Variants in LAMC1 observed in about 807,000 individuals in gnomAD.
The protein encoded by LAMC1 is laminin subunit gamma-1.
In LAMC1, 38 loss-of-function variants were observed where a neutral mutation model predicts 173.6. That is an observed-to-expected ratio of 0.22 (90% CI 0.17 to 0.29). The LOEUF (loss-of-function observed/expected upper bound fraction) is 0.29. Among genes scored for constraint, LAMC1 ranks in the 10% least tolerant of loss-of-function variants. The pLI is 1.00. For synonymous variants in LAMC1, 746 were observed against 749.1 expected (o/e 1.00, Z 0.07); for missense variants, 1,824 against 2,051.8 (o/e 0.89, Z 2.14).
At chr1:183,082,511 A>G (rs1298913174) in intron 1 of LAMC1, among the ~76,000 whole-genome samples, 2 of 152,210 alleles carry the variant, frequency 1.3e-5, no homozygotes, top group African/African-American at 2.4e-5. Context: ...GGGTCATGGT[A>G]AAGGAGGTTA....
intron 1 of LAMC1, among the ~76,000 whole-genome samples, chr1:183,037,345 G>T (rs1558028812): frequency 6.6e-6 from 1 of 151,818 alleles, no homozygotes; most frequent in Non-Finnish European, 1.5e-5. Flanking sequence ...GAATTGCTGA[G>T]TTAGTTCACT....
In LAMC1 at chr1:183,117,733, C is replaced by A. The variant is rs774766901; in HGVS notation, c.1877+10C>A. 20 of 1,604,772 alleles carry A rather than the reference C, an allele frequency of 1.2e-5. No homozygotes were observed. Among genetic ancestry groups the A allele is most frequent in the African/African-American group, 2.7e-5 (2 of 74,714 alleles). ...TGAAGTATGTCTTCAGGTAAGATAG[C>A]CTTCTTTGTAAAGTGAGACTTGACG... On this transcript the variant is annotated intron_variant, in intron 10 of 27. Coordinates refer to ENST00000258341, the MANE Select transcript of LAMC1 (RefSeq NM_002293.4).
chr1:183,115,100 T>C (rs1313596481), intron 5 of LAMC1, among the ~76,000 whole-genome samples: 2 of 152,224 alleles, frequency 1.3e-5, no homozygotes, highest in Non-Finnish European at 2.9e-5. Flanking sequence ...TTTGCGTGTG[T>C]ACAGAGATGC....
chr1:183,034,618 G>A (rs1248161822), intron 1 of LAMC1, among the ~76,000 whole-genome samples: 2 of 152,222 alleles, frequency 1.3e-5, no homozygotes, highest in Non-Finnish European at 2.9e-5. Flanking sequence ...AGAGCATTTT[G>A]AAGAGTAGGG....
intron 1 of LAMC1, among the ~76,000 whole-genome samples, chr1:183,040,378 G>A (rs1654098383): frequency 6.6e-6 from 1 of 152,154 alleles, no homozygotes; most frequent in Non-Finnish European, 1.5e-5. Flanking sequence ...TTTGTCAGAG[G>A]AACAAAAGAT....
rs760879412 is a variant in LAMC1 at position 183,127,434 on chromosome 1, C to G, written c.3123+30C>G. 7 of 1,605,542 alleles carry G rather than the reference C, an allele frequency of 4.4e-6. No individual in the cohort carries two copies. The East Asian group carries it at 1.6e-4, about 36-fold the overall frequency. ...GCTGTCAATAGTGCATTCATTCATTCATCCAGCAGACGTTGAGTGGCAACT... is the reference window on the plus strand; with the variant it reads ...GCTGTCAATAGTGCATTCATTCATTGATCCAGCAGACGTTGAGTGGCAACT... On this transcript the variant is annotated intron_variant, in intron 17 of 27. Transcript: ENST00000258341.
rs972694741 is a variant in LAMC1 at position 183,131,325 on chromosome 1, G to A, written c.3513G>A (p.Gly1171=). The change falls in exon 20 of 28, where the codon GGG becomes GGA. Residue 1171 remains glycine, a synonymous_variant. Coordinates refer to ENST00000258341, the MANE Select transcript of LAMC1 (RefSeq NM_002293.4). The stretch of plus-strand genomic sequence containing the variant: ...CAGTCACTCAGCCAGAATCTACAGG[G>A]GACCCAAACAACATGACTCTTTTGG... ...NVSVTQPEST[G]DPNNMTLLAE... is the part of the protein sequence containing the mutation. The A allele has an allele frequency of 1.2e-6, 2 of 1,613,754 alleles. No homozygotes were observed. Among genetic ancestry groups the A allele is most frequent in the African/African-American group, 1.3e-5 (1 of 74,860 alleles).
At chr1:183,128,847 C>T in intron 18 of LAMC1, 97 bp downstream of exon 18, 1 of 1,003,100 alleles carries the variant, frequency 1.0e-6, no homozygotes, top group Non-Finnish European at 1.4e-6. Context: ...AAAATTCTTT[C>T]TCAGTTTTTA....
At position 183,142,616 on chromosome 1, in the gene LAMC1, C is replaced by T. The variant is rs778691992; in HGVS notation, c.4656C>T (p.Ser1552=). The T allele has an allele frequency of 4.3e-6, 7 of 1,613,948 alleles. No homozygotes were observed. The highest frequency in any genetic ancestry group is 2.2e-5 in the South Asian group (2 of 91,072). ...LNKAKDEMKV[S]DLDRKVSDLE... ...AAGCCAAAGATGAAATGAAGGTCAG[C>T]GATCTTGATAGGAAAGTGTCTGACC... Residue 1552 remains serine, a synonymous_variant, in exon 28 of 28, where the codon AGC becomes AGT. Transcript: ENST00000258341.
chr1:183,079,712 TTTGA>T (rs1327825714), intron 1 of LAMC1, among the ~76,000 whole-genome samples: 1 of 152,202 alleles, frequency 6.6e-6, no homozygotes, highest in African/African-American at 2.4e-5. Flanking sequence ...TTTAAATTAG[TTTGA>T]TTATCACAAG....
chr1:183,128,686 G>A lies in LAMC1; in HGVS notation c.3216G>A (p.Glu1072=), dbSNP rs758307337. 3 of 1,613,678 alleles carry A rather than the reference G, an allele frequency of 1.9e-6. No individual in the cohort carries two copies. Among genetic ancestry groups the A allele is most frequent in the Non-Finnish European group, 1.7e-6 (2 of 1,179,768 alleles). The change falls in exon 18 of 28, where the codon GAG becomes GAA. Residue 1072 remains glutamate, a synonymous_variant. Transcript: ENST00000258341. ...GDEMVTDQAF[E]DRLKEAEREV... ...AGATGGTGACAGATCAAGCCTTCGAGGATAGACTAAAGGAAGCAGAGAGGG... is the reference window on the plus strand; with the variant it reads ...AGATGGTGACAGATCAAGCCTTCGAAGATAGACTAAAGGAAGCAGAGAGGG...
At chr1:183,105,665 A>G (rs1212851126) in intron 2 of LAMC1, among the ~76,000 whole-genome samples, 2 of 152,150 alleles carry the variant, frequency 1.3e-5, no homozygotes, top group Non-Finnish European at 2.9e-5. Flanking sequence ...GCATCTGCAT[A>G]GACGTGGTCA....
chr1:183,049,085 TACTTTCCC>T (rs1420031545), intron 1 of LAMC1, among the ~76,000 whole-genome samples: 1 of 152,232 alleles, frequency 6.6e-6, no homozygotes, highest in African/African-American at 2.4e-5. Context: ...ATTTCTAGTC[TACTTTCCC>T]ACTCTTATAG....
At chr1:183,050,342 C>T (rs186342299) in intron 1 of LAMC1, among the ~76,000 whole-genome samples, 5 of 140,652 alleles carry the variant, frequency 3.6e-5, no homozygotes, top group African/African-American at 1.1e-4. Context: ...AATGCAGTGG[C>T]GTGATCTCGG....
At chr1:183,039,079 C>T (rs1654058370) in intron 1 of LAMC1, among the ~76,000 whole-genome samples, 1 of 152,138 alleles carries the variant, frequency 6.6e-6, no homozygotes, top group Non-Finnish European at 1.5e-5. Flanking sequence ...CAGTGGTTCC[C>T]ATCCATCATA....
intron 1 of LAMC1, among the ~76,000 whole-genome samples, chr1:183,077,782 A>ATATATATATATATACTGTATATATATATG (rs1655156610): frequency 9.8e-6 from 1 of 101,870 alleles, no homozygotes; most frequent in Non-Finnish European, 2.3e-5. Context: ...TTGTGTATAT[A>ATATATATATATATACTGTATATATATATG]TATATATATA....
At chr1:183,138,653 A>G (rs1051549670) in intron 26 of LAMC1, 4 of 152,188 alleles carry the variant, frequency 2.6e-5, no homozygotes, top group African/African-American at 9.7e-5. Context: ...AAAGGAAACT[A>G]TCTCTGTGCA....
chr1:183,033,714 CAG>C (rs556617014), intron 1 of LAMC1, among the ~76,000 whole-genome samples: 52 of 151,896 alleles, frequency 3.4e-4, no homozygotes, highest in African/African-American at 1.2e-3. Context: ...TTTTTTGAGA[CAG>C]AGTCTCACTC....
intron 8 of LAMC1, 136 bp from the exon 9 acceptor site, chr1:183,117,184 T>TAAA: frequency 3.4e-6 from 3 of 870,942 alleles, no homozygotes; most frequent in Non-Finnish European, 5.2e-6. Flanking sequence ...TGTTGTAGGA[T>TAAA]CCATTTATTC....
Sources: allele counts gnomAD v4.1 joint callset (sites outside exome capture counted in the v4.1 genomes callset), GRCh38; gene constraint gnomAD v4.1.1; transcripts MANE v1.5; gene names NCBI Gene and HGNC (gene_info 2026-07-23, HGNC 2026-07-21).